The following ARHGEF4 variants were observed in gnomAD, a reference collection of about 807,000 sequenced individuals.
ARHGEF4 encodes Rho guanine nucleotide exchange factor 4.
ARHGEF4 carries 119 observed loss-of-function variants against 162.0 expected under a neutral mutation model. That is an observed-to-expected ratio of 0.73 (90% CI 0.63 to 0.86). The LOEUF is 0.86. ARHGEF4 is among the 40% of genes least tolerant of loss of function. The probability of loss-of-function intolerance (pLI) is 0.00; values close to 1 mark genes in which losing one functional copy is unlikely to be tolerated. For synonymous variants in ARHGEF4, 1,014 were observed against 979.9 expected (o/e 1.03, Z -0.65); for missense variants, 2,488 against 2,456.0 (o/e 1.01, Z -0.28).
chr2:131,045,840 C>T (rs1691208008), intron 13 of ARHGEF4, 198 bp from the exon 14 acceptor site: 3 of 1,452,342 alleles, frequency 2.1e-6, no homozygotes, highest in Non-Finnish European at 2.7e-6. Flanking sequence ...TGCAGGAGGC[C>T]AGGCCCAGGC....
At chr2:130,986,458 C>T (rs1686506407) in intron 4 of ARHGEF4, among the ~76,000 whole-genome samples, 1 of 152,170 alleles carries the variant, frequency 6.6e-6, no homozygotes, top group South Asian at 2.1e-4. Context: ...TAAAAAGATG[C>T]CATTTATACA....
chr2:131,004,602 G>T (rs1558838685), intron 4 of ARHGEF4, among the ~76,000 whole-genome samples: 1 of 152,094 alleles, frequency 6.6e-6, no homozygotes, highest in Non-Finnish European at 1.5e-5. Flanking sequence ...TTGTCACACA[G>T]CCCGGCCTCG....
intron 1 of ARHGEF4, among the ~76,000 whole-genome samples, chr2:130,911,214 C>T (rs1681162941): frequency 6.6e-6 from 1 of 152,198 alleles, no homozygotes. Context: ...GTTCACCCTG[C>T]TGTGGAACAC....
At chr2:130,837,763 C>A in intron 1 of ARHGEF4, 1 of 315,642 alleles carries the variant, frequency 3.2e-6, no homozygotes, top group Non-Finnish European at 6.3e-6. Flanking sequence ...GGCTCCTACT[C>A]CGGGAGCAAC....
chr2:130,919,126 G>T (rs1681713973), intron 2 of ARHGEF4, among the ~76,000 whole-genome samples: 1 of 152,178 alleles, frequency 6.6e-6, no homozygotes, highest in African/African-American at 2.4e-5. Context: ...CATGTTCATG[G>T]CTCTGTTTAG....
intron 1 of ARHGEF4, among the ~76,000 whole-genome samples, chr2:130,883,296 A>T (rs1679310539): frequency 6.6e-6 from 1 of 152,008 alleles, no homozygotes; most frequent in South Asian, 2.1e-4. Context: ...CCCTGCTGAG[A>T]CCGAGTGTGC....
chr2:130,885,389 C>T (rs754080331), intron 1 of ARHGEF4, among the ~76,000 whole-genome samples: 3 of 151,752 alleles, frequency 2.0e-5, no homozygotes, highest in Non-Finnish European at 4.4e-5. Context: ...CCACCGCGCC[C>T]GGCCTACATA....
chr2:130,992,503 G>A (rs1170158574), intron 4 of ARHGEF4, among the ~76,000 whole-genome samples: 3 of 151,914 alleles, frequency 2.0e-5, no homozygotes, highest in Non-Finnish European at 4.4e-5. Flanking sequence ...TCACGGGGAA[G>A]GTCTGCAGCT....
chr2:131,023,294 G>A (rs1391467925), intron 4 of ARHGEF4, among the ~76,000 whole-genome samples: 1 of 151,876 alleles, frequency 6.6e-6, no homozygotes, highest in Non-Finnish European at 1.5e-5. Flanking sequence ...TTAGGCAAGT[G>A]TGGTGGTGTG....
chr2:130,940,397 G>A (rs1323433019), intron 3 of ARHGEF4, among the ~76,000 whole-genome samples: 2 of 151,994 alleles, frequency 1.3e-5, no homozygotes, highest in East Asian at 2.0e-4. Context: ...CCAGGTTCGC[G>A]ACATTCTCCT....
chr2:130,842,543 G>A (rs545111508), intron 1 of ARHGEF4, among the ~76,000 whole-genome samples: 24 of 152,182 alleles, frequency 1.6e-4, no homozygotes, highest in Non-Finnish European at 3.2e-4. Flanking sequence ...GGCAGTCCTT[G>A]GATTCTTCAT....
intron 4 of ARHGEF4, among the ~76,000 whole-genome samples, chr2:130,950,689 C>CCCCG (rs200988249): frequency 6.8e-6 from 1 of 146,034 alleles, no homozygotes; most frequent in Non-Finnish European, 1.5e-5. Flanking sequence ...AGCTATTACC[C>CCCCG]CCCACCACCA....
At position 130,914,540 on chromosome 2, in the gene ARHGEF4, G is replaced by C. The variant is rs1681375044; in HGVS notation, c.594G>C (p.Gln198His). The C allele has an allele frequency of 1.4e-6, 2 of 1,416,026 alleles. No homozygotes were observed. Among genetic ancestry groups the C allele is most frequent in the Non-Finnish European group, 1.8e-6 (2 of 1,091,248 alleles). 87.7% of individuals were successfully genotyped at this position (1,416,026 alleles called of 1,614,324 possible). A position where few individuals can be genotyped will look rare whatever the true frequency, so the allele number is the denominator to read the frequency against. Residue 198 changes from glutamine (Q) to histidine (H), a missense_variant, in exon 2 of 14, where the codon CAG becomes CAC. This residue lies in a region of ARHGEF4 where 81 missense variants were observed against 125.8 expected (regional missense o/e 0.64). Coordinates refer to ENST00000409359, the MANE Select transcript of ARHGEF4 (RefSeq NM_001367493.1). ...ACAGCAGTGGTCCTGAGCCAGTACA[G>C]GGGGTGGCTGTTCAAGACCTCAGAG... The part of the protein sequence containing the change: ...ATDSSGPEPV[Q>H]GVAVQDLRGL...
At chr2:130,947,547 G>A (rs1420296030) in intron 4 of ARHGEF4, among the ~76,000 whole-genome samples, 1 of 152,182 alleles carries the variant, frequency 6.6e-6, no homozygotes, top group Non-Finnish European at 1.5e-5. Context: ...ATCAGCTGAT[G>A]GAACTTGGGT....
chr2:130,970,733 A>C (rs1685308324), intron 4 of ARHGEF4, among the ~76,000 whole-genome samples: 1 of 152,192 alleles, frequency 6.6e-6, no homozygotes, highest in African/African-American at 2.4e-5. Flanking sequence ...TTGTTGAAGC[A>C]TCCAGACCCA....
chr2:131,025,249 A>C (rs1459546420), intron 4 of ARHGEF4, among the ~76,000 whole-genome samples: 2 of 152,308 alleles, frequency 1.3e-5, no homozygotes, highest in South Asian at 4.1e-4. Flanking sequence ...CAAAGGGGGA[A>C]GTGCTGCATA....
Position 130,973,271 on chromosome 2 carries a change from G to A in ARHGEF4, c.3985+26636G>A, listed in dbSNP as rs541963359. ...TGGGAGGCTGAGGCAGGCAGATCAC[G>A]TAAGGCCAGGAACTCAAGACCAGCC... is the stretch of plus-strand genomic sequence containing the variant. On this transcript the variant is annotated intron_variant, in intron 4 of 13. Coordinates refer to ENST00000409359, the MANE Select transcript of ARHGEF4 (RefSeq NM_001367493.1). Among the ~76,000 whole-genome samples, 34 of 152,276 alleles carry A rather than the reference G, an allele frequency of 2.2e-4. 1 individual carries two copies. Among genetic ancestry groups the A allele is most frequent in the African/African-American group, 6.7e-4 (28 of 41,546 alleles).
rs1200413776 is a variant in ARHGEF4 at position 130,917,460 on chromosome 2, G to C, written c.3514G>C (p.Gly1172Arg). ...REGGQGPRGL[G>R]TVPWLRDLPG... The stretch of plus-strand genomic sequence containing the variant: ...AGGAGGCCAGGGTCCGCGCGGCTTG[G>C]GCACAGTGCCCTGGCTCAGGGACCT... Residue 1172 changes from glycine (G) to arginine (R), a missense_variant, in exon 2 of 14, where the codon GGC becomes CGC. Gly to Arg is a moderately radical substitution (Grantham distance 125). Coordinates refer to ENST00000409359, the MANE Select transcript of ARHGEF4 (RefSeq NM_001367493.1). The C allele has an allele frequency of 6.4e-7, 1 of 1,550,502 alleles. No homozygotes were observed. Among genetic ancestry groups the C allele is most frequent in the Middle Eastern group, 1.7e-4 (1 of 5,984 alleles).
At chr2:130,892,427 C>G (rs1679907474) in intron 1 of ARHGEF4, among the ~76,000 whole-genome samples, 1 of 152,200 alleles carries the variant, frequency 6.6e-6, no homozygotes, top group African/African-American at 2.4e-5. Flanking sequence ...ACTTCAGACC[C>G]AATCACAAGC....
Sources: allele counts gnomAD v4.1 joint callset (sites outside exome capture counted in the v4.1 genomes callset), GRCh38; gene constraint gnomAD v4.1.1; regional missense constraint gnomAD v4.1.1; transcripts MANE v1.5; gene names NCBI Gene and HGNC (gene_info 2026-07-23, HGNC 2026-07-21).